FBXO15: variants seen among roughly 807,000 people sequenced by gnomAD.
The protein encoded by FBXO15 is F-box only protein 15.
A neutral mutation model predicts 49.5 loss-of-function variants in FBXO15; 30 were observed. That is an observed-to-expected ratio of 0.61 (90% CI 0.45 to 0.82). The LOEUF (loss-of-function observed/expected upper bound fraction) is 0.82, where lower values mean the gene tolerates loss of function less well. Among genes scored for constraint, FBXO15 ranks in the 40% least tolerant of loss-of-function variants. The pLI, the probability that FBXO15 is intolerant of heterozygous loss-of-function variation, is 0.00. For synonymous variants in FBXO15, 250 were observed against 232.7 expected (o/e 1.07, Z -0.68); for missense variants, 591 against 631.5 (o/e 0.94, Z 0.69).
At chr18:74,082,101 C>G in intron 8 of FBXO15, 50 bp from the exon 9 acceptor site, 2 of 1,591,606 alleles carry the variant, frequency 1.3e-6, no homozygotes, top group South Asian at 2.3e-5. Context: ...TGCAAGATGA[C>G]AAACCAAGCA....
chr18:74,143,807 C>T (rs957395045), intron 1 of FBXO15, among the ~76,000 whole-genome samples: 2 of 152,208 alleles, frequency 1.3e-5, no homozygotes, highest in African/African-American at 4.8e-5. Flanking sequence ...CTCACTGAGA[C>T]CTTCCTTGGC....
At chr18:74,088,996 T>G (rs1360751417) in intron 8 of FBXO15, among the ~76,000 whole-genome samples, 3 of 152,184 alleles carry the variant, frequency 2.0e-5, no homozygotes, top group Non-Finnish European at 4.4e-5. Context: ...ATTTAAGTTC[T>G]GGGATACATG....
At chr18:74,115,574 C>T (rs191544383) in intron 8 of FBXO15, among the ~76,000 whole-genome samples, 1 of 152,294 alleles carries the variant, frequency 6.6e-6, no homozygotes, top group East Asian at 1.9e-4. Flanking sequence ...AAAACAAACA[C>T]GAATCCTTTG....
chr18:74,145,983 T>C (rs1979388859), intron 1 of FBXO15, among the ~76,000 whole-genome samples: 1 of 152,240 alleles, frequency 6.6e-6, no homozygotes, highest in Admixed American at 6.5e-5. Context: ...GTCTACAAGG[T>C]TAAGTGTAGA....
intron 8 of FBXO15, among the ~76,000 whole-genome samples, chr18:74,093,303 T>C (rs548632809): frequency 1.3e-5 from 2 of 149,466 alleles, no homozygotes; most frequent in South Asian, 4.2e-4. Context: ...GCTAGCAAAG[T>C]GGCATAGGGT....
intron 8 of FBXO15, among the ~76,000 whole-genome samples, chr18:74,104,616 GA>G (rs1913666731): frequency 6.6e-6 from 1 of 152,030 alleles, no homozygotes; most frequent in African/African-American, 2.4e-5. Context: ...AACCAAAAAA[GA>G]AAAAGTGTAG....
chr18:74,123,495 A>C lies in FBXO15; in HGVS notation c.1011T>G (p.Pro337=). Residue 337 remains proline, a synonymous_variant, in exon 8 of 10, where the codon CCT becomes CCG. Transcript: ENST00000419743. ...TATCATCCAAAAAGGGGCTATGTGG[A>C]GGCAGTTCATAGGGGCTGAAAAGCA... The part of the protein sequence containing the change: ...LGSATIPYEL[P]PHSPFLDDSP... 6.2e-7 allele frequency: 1 copy of C among 1,611,118 alleles called. No homozygotes were observed. The highest frequency in any genetic ancestry group is 8.5e-7 in the Non-Finnish European group (1 of 1,179,240).
intron 8 of FBXO15, among the ~76,000 whole-genome samples, chr18:74,114,305 T>C (rs906963968): frequency 6.6e-6 from 1 of 152,198 alleles, no homozygotes; most frequent in East Asian, 1.9e-4. Context: ...AAGAGCACTT[T>C]GTGTTGACTC....
At chr18:74,139,159 C>T (rs1377017245) in intron 2 of FBXO15, among the ~76,000 whole-genome samples, 2 of 152,172 alleles carry the variant, frequency 1.3e-5, no homozygotes, top group Non-Finnish European at 1.5e-5. Flanking sequence ...AGTCTTTCCT[C>T]ACCACGCCAC....
chr18:74,125,182 G>C (rs80301542), intron 6 of FBXO15, among the ~76,000 whole-genome samples: 1 of 152,170 alleles, frequency 6.6e-6, no homozygotes, highest in African/African-American at 2.4e-5. Flanking sequence ...GAGGACAATC[G>C]AAGCCACCAG....
chr18:74,075,535 C>A lies in FBXO15; in HGVS notation c.1264-1805G>T, dbSNP rs1260031264. On this transcript the variant is annotated intron_variant, in intron 9 of 9. Transcript: ENST00000419743. This position sits in a 1 kb window ranked among gnomAD's most constrained non-coding sequence, Gnocchi z 4.1. ...CCCGCAGGCCCCTGCTCTTTCCTCG[C>A]TTCCCAGACAACCCTCTCCAAAGAG... is the stretch of plus-strand genomic sequence containing the variant. Among the ~76,000 whole-genome samples the A allele has an allele frequency of 6.6e-6, 1 of 152,224 alleles. No individual in the cohort carries two copies. Among genetic ancestry groups the A allele is most frequent in the African/African-American group, 2.4e-5 (1 of 41,456 alleles).
At chr18:74,130,895 A>T in intron 3 of FBXO15, 1 of 390,982 alleles carries the variant, frequency 2.6e-6, no homozygotes, top group Non-Finnish European at 4.6e-6. Flanking sequence ...TCCCAGGGTC[A>T]GGTCTCAAGT....
At chr18:74,102,345 CA>C (rs1157617772) in intron 8 of FBXO15, among the ~76,000 whole-genome samples, 1 of 151,592 alleles carries the variant, frequency 6.6e-6, no homozygotes, top group South Asian at 2.1e-4. Context: ...CCAACAAACA[CA>C]AAAAAAATGC....
intron 8 of FBXO15, among the ~76,000 whole-genome samples, chr18:74,090,827 T>C (rs1005030588): frequency 1.3e-5 from 2 of 152,236 alleles, no homozygotes; most frequent in Non-Finnish European, 2.9e-5. Context: ...TGTCTGGTTG[T>C]GTGGTCGATT....
At chr18:74,125,828 GA>G in intron 6 of FBXO15, 146 bp downstream of exon 6, 3 of 1,120,122 alleles carry the variant, frequency 2.7e-6, no homozygotes, top group South Asian at 3.1e-5. Context: ...ATGTTAGCTT[GA>G]AAAAATGAAG....
Position 74,081,985 on chromosome 18 carries a change from G to T in FBXO15, c.1205C>A (p.Pro402His). 3.7e-6 allele frequency: 6 copies of T among 1,613,012 alleles called. No homozygotes were observed. The highest frequency in any genetic ancestry group is 5.1e-6 in the Non-Finnish European group (6 of 1,179,214). Reference sequence around the variant, plus strand: ...CGAGAGGCCAACTTTTCCAATAAGAGGTAGGTGTTCTCTGTTATTTTTTAA... The same window carrying T: ...CGAGAGGCCAACTTTTCCAATAAGATGTAGGTGTTCTCTGTTATTTTTTAA... ...IHLKNNREHL[P>H]LIGKVGLSWK... Residue 402 changes from proline (P) to histidine (H), a missense_variant, in exon 9 of 10, where the codon CCT becomes CAT. Physicochemically the swap from Pro to His is moderately conservative, Grantham distance 77. Transcript: ENST00000419743.
chr18:74,144,211 G>C (rs1979263345), intron 1 of FBXO15, among the ~76,000 whole-genome samples: 1 of 152,096 alleles, frequency 6.6e-6, no homozygotes, highest in Admixed American at 6.6e-5. Context: ...ATTTCTCTAA[G>C]AGGAAAAGTA....
intron 8 of FBXO15, among the ~76,000 whole-genome samples, chr18:74,111,985 A>T (rs995770450): frequency 6.6e-6 from 1 of 152,232 alleles, no homozygotes; most frequent in Non-Finnish European, 1.5e-5. Flanking sequence ...CAAAATTCAC[A>T]TAAGAAGAAA....
At chr18:74,078,759 C>T (rs1912366516) in intron 9 of FBXO15, 1 of 152,364 alleles carries the variant, frequency 6.6e-6, no homozygotes, top group South Asian at 2.1e-4. Flanking sequence ...ACCTCACCCT[C>T]CTTGCAGGAG....
Sources: allele counts gnomAD v4.1 joint callset (sites outside exome capture counted in the v4.1 genomes callset), GRCh38; gene constraint gnomAD v4.1.1; non-coding constraint Gnocchi (gnomAD v3.1); transcripts MANE v1.5; gene names NCBI Gene and HGNC (gene_info 2026-07-23, HGNC 2026-07-21).